Variants in SPRED1 observed in about 807,000 individuals in gnomAD.
The protein encoded by SPRED1 is sprouty related EVH1 domain containing 1, also known as sprouty-related, EVH1 domain-containing protein 1.
Under a neutral mutation model 52.3 loss-of-function variants are expected in SPRED1, and 18 were observed. That is an observed-to-expected ratio of 0.34 (90% CI 0.24 to 0.51). The LOEUF (loss-of-function observed/expected upper bound fraction) is 0.51, where lower values mean the gene tolerates loss of function less well. Ranked by LOEUF, SPRED1 falls within the 20% of genes least tolerant of loss-of-function variation. The pLI is 0.97. For missense variants in SPRED1, 485 were observed against 551.0 expected, an observed-to-expected ratio of 0.88 and a Z score of 1.20; for synonymous variants, 155 against 179.7, an observed-to-expected ratio of 0.86 and a Z score of 1.10.
At chr15:38,309,628 T>C (rs1895321614) in intron 2 of SPRED1, among the ~76,000 whole-genome samples, 1 of 152,176 alleles carries the variant, frequency 6.6e-6, no homozygotes, top group South Asian at 2.1e-4. Context: ...TTTTCTTTCA[T>C]GGATCATACT....
At chr15:38,293,098 A>ATTTTTTTTT (rs1566857726) in intron 1 of SPRED1, among the ~76,000 whole-genome samples, 2 of 20,208 alleles carry the variant, frequency 9.9e-5, no homozygotes, top group Non-Finnish European at 1.2e-4. Context: ...CAAGATTACA[A>ATTTTTTTTT]CTTTTTTTTT....
At chr15:38,268,100 A>G (rs543360966) in intron 1 of SPRED1, 5 of 152,354 alleles carry the variant, frequency 3.3e-5, no homozygotes, top group South Asian at 4.1e-4. Context: ...ATACATTGCT[A>G]TATCATTTGG....
chr15:38,313,410 GTTTCCCCA>G (rs904872334), intron 2 of SPRED1, among the ~76,000 whole-genome samples: 1 of 151,854 alleles, frequency 6.6e-6, no homozygotes, highest in African/African-American at 2.4e-5. Context: ...TTTTTCTAAT[GTTTCCCCA>G]TGATTAGATT....
intron 1 of SPRED1, among the ~76,000 whole-genome samples, chr15:38,272,841 G>A (rs182045651): frequency 1.6e-3 from 246 of 152,278 alleles, no homozygotes; most frequent in Admixed American, 2.7e-3. Context: ...CTTCTTTTGA[G>A]CAGTGTCTGT....
intron 6 of SPRED1, among the ~76,000 whole-genome samples, chr15:38,350,807 T>G (rs1022058333): frequency 6.6e-6 from 1 of 152,180 alleles, no homozygotes. Flanking sequence ...AGCCTTCAAC[T>G]GATTTTATGA....
rs374606062 is a variant in SPRED1 at position 38,304,889 on chromosome 15, T to G, written c.207+5342T>G. 3.9e-5 allele frequency among the ~76,000 whole-genome samples: 6 copies of G among 152,220 alleles called. No homozygotes were observed. The East Asian group carries it at 1.2e-3, about 29-fold the overall frequency. ...GCTTCAGTATTTTTTTATTGTTTTC[T>G]TTTTTAATTTAATCTAAATCTTTTC... On this transcript the variant is annotated intron_variant, in intron 2 of 6. Transcript: ENST00000299084.
intron 4 of SPRED1, among the ~76,000 whole-genome samples, chr15:38,338,691 C>T (rs1895971505): frequency 6.6e-6 from 1 of 152,026 alleles, no homozygotes; most frequent in Non-Finnish European, 1.5e-5. Flanking sequence ...TTATGATAAC[C>T]CAGTGTCATA....
At chr15:38,255,412 C>CT (rs1233493016) in intron 1 of SPRED1, among the ~76,000 whole-genome samples, 1 of 151,994 alleles carries the variant, frequency 6.6e-6, no homozygotes, top group Non-Finnish European at 1.5e-5. Context: ...CTTTGTAATA[C>CT]TTTTTAAGTT....
intron 1 of SPRED1, among the ~76,000 whole-genome samples, chr15:38,293,949 A>G (rs1566858021): frequency 6.6e-6 from 1 of 152,158 alleles, no homozygotes; most frequent in African/African-American, 2.4e-5. Flanking sequence ...GTGGTAATGT[A>G]TCTTTGCCCA....
chr15:38,319,676 C>T (rs768106691), intron 2 of SPRED1, among the ~76,000 whole-genome samples: 2 of 152,174 alleles, frequency 1.3e-5, no homozygotes, highest in Non-Finnish European at 2.9e-5. Context: ...CTGTGCCTGG[C>T]GGTTAATTCT....
At chr15:38,286,011 A>C (rs546021076) in intron 1 of SPRED1, among the ~76,000 whole-genome samples, 174 of 152,172 alleles carry the variant, frequency 1.1e-3, no homozygotes, top group African/African-American at 4.1e-3. Flanking sequence ...TGGGAGGCCA[A>C]GGAGGGAGGT....
intron 1 of SPRED1, among the ~76,000 whole-genome samples, chr15:38,276,180 A>G (rs889600416): frequency 6.6e-6 from 1 of 150,930 alleles, no homozygotes; most frequent in Non-Finnish European, 1.5e-5. Context: ...GAGTATTTGC[A>G]TATGTACTAG....
intron 6 of SPRED1, among the ~76,000 whole-genome samples, chr15:38,349,779 A>G (rs1888441815): frequency 1.3e-5 from 2 of 152,196 alleles, no homozygotes; most frequent in South Asian, 4.1e-4. Context: ...AATAAACTGT[A>G]TCTGTCACCC....
At chr15:38,261,321 T>G (rs1329271094) in intron 1 of SPRED1, among the ~76,000 whole-genome samples, 1 of 152,230 alleles carries the variant, frequency 6.6e-6, no homozygotes, top group East Asian at 1.9e-4. Context: ...ATAACTGATT[T>G]TTTTGTACTT....
intron 1 of SPRED1, among the ~76,000 whole-genome samples, chr15:38,299,070 T>G (rs2140978121): frequency 6.6e-6 from 1 of 152,300 alleles, no homozygotes. Flanking sequence ...GCCTCTGGGA[T>G]CCTTCACAAC....
chr15:38,279,590 A>G (rs1894642794), intron 1 of SPRED1, among the ~76,000 whole-genome samples: 3 of 152,228 alleles, frequency 2.0e-5, no homozygotes, highest in Non-Finnish European at 2.9e-5. Context: ...ATCAAGGTCC[A>G]GCTCTTTTAC....
intron 5 of SPRED1, among the ~76,000 whole-genome samples, chr15:38,344,305 ATG>A (rs1896086904): frequency 6.6e-6 from 1 of 152,192 alleles, no homozygotes; most frequent in African/African-American, 2.4e-5. Context: ...CAGGGATGTT[ATG>A]ATATACCAGT....
chr15:38,327,246 G>A (rs73398476), intron 4 of SPRED1, among the ~76,000 whole-genome samples: 6,688 of 152,156 alleles, frequency 0.044, 246 homozygotes, highest in African/African-American at 0.09. Context: ...GTCATGGGAG[G>A]GTAGAGTGTA....
Position 38,351,947 on chromosome 15 carries a change from G to A in SPRED1, c.*283G>A, listed in dbSNP as rs1888499383. The A allele has an allele frequency of 2.1e-6, 1 of 468,266 alleles. No individual in the cohort carries two copies. The highest frequency in any genetic ancestry group is 3.8e-6 in the Non-Finnish European group (1 of 262,122). 29.0% of individuals were successfully genotyped at this position (468,266 alleles called of 1,614,324 possible). On this transcript the variant is annotated 3_prime_UTR_variant, in exon 7 of 7. Coordinates refer to ENST00000299084, the MANE Select transcript of SPRED1 (RefSeq NM_152594.3). ...GCATAAAATATGATCCAACTAAAAG[G>A]GATTAATTTTTGGCATTTTTGTATA...
Sources: gnomAD v4.1 joint callset for allele counts (sites outside exome capture counted in the v4.1 genomes callset) on GRCh38, gnomAD v4.1.1 for gene constraint, MANE v1.5 for transcripts, NCBI Gene and HGNC (gene_info 2026-07-23, HGNC 2026-07-21) for gene names.